The following APBA2 variants were observed in gnomAD, a reference collection of about 807,000 sequenced individuals.
APBA2 encodes amyloid beta precursor protein binding family A member 2.
Under a neutral mutation model 75.0 loss-of-function variants are expected in APBA2, and 30 were observed. The ratio of observed to expected loss-of-function variants is 0.40; its 90% confidence interval spans 0.30 to 0.54. The LOEUF (loss-of-function observed/expected upper bound fraction) is 0.54. Ranked by LOEUF, APBA2 falls within the 20% of genes least tolerant of loss-of-function variation. The pLI, the probability that APBA2 is intolerant of heterozygous loss-of-function variation, is 0.49. For synonymous variants in APBA2, 444 were observed against 409.6 expected (o/e 1.08, Z -1.01); for missense variants, 801 against 1,016.1 (o/e 0.79, Z 2.88).
chr15:28,989,656 A>C (rs1450449609), intron 2 of APBA2, among the ~76,000 whole-genome samples: 2 of 152,214 alleles, frequency 1.3e-5, no homozygotes, highest in African/African-American at 4.8e-5. Flanking sequence ...ATTGGAAGGC[A>C]TCAGGCTCCT....
intron 4 of APBA2, among the ~76,000 whole-genome samples, chr15:29,072,540 G>C (rs1204310692): frequency 6.6e-6 from 1 of 152,110 alleles, no homozygotes; most frequent in Non-Finnish European, 1.5e-5. Context: ...AACCTTGCAG[G>C]AGCGGTACCT....
chr15:28,922,941 A>G (rs144553446), intron 2 of APBA2, among the ~76,000 whole-genome samples: 1 of 152,180 alleles, frequency 6.6e-6, no homozygotes, highest in Non-Finnish European at 1.5e-5. Flanking sequence ...GTTGTTGCCC[A>G]TGTGGTAGAA....
chr15:29,010,114 T>C (rs1157403418), intron 3 of APBA2, among the ~76,000 whole-genome samples: 2 of 152,342 alleles, frequency 1.3e-5, no homozygotes, highest in African/African-American at 4.8e-5. Flanking sequence ...GGTGGGATCC[T>C]CTGGTATGAT....
At chr15:29,094,223 G>C (rs189753320) in intron 7 of APBA2, 55 bp from the exon 8 acceptor site, 1 of 1,594,394 alleles carries the variant, frequency 6.3e-7, no homozygotes, top group East Asian at 2.2e-5. Flanking sequence ...ATAACCTCAC[G>C]CACCTTCCTT....
Position 28,984,761 on chromosome 15 carries a change from C to G in APBA2, c.-94-10992C>G, listed in dbSNP as rs572059158. Among the ~76,000 whole-genome samples, 270 of 151,162 alleles carry G rather than the reference C, an allele frequency of 1.8e-3. 1 individual carries two copies. The highest frequency in any genetic ancestry group is 6.5e-3 in the African/African-American group (267 of 41,088). ...CTCTGTCTCTCTATCTCTCTCCCCC[C>G]CCACCCCACTGCCATCTCTGGAGTT... is the stretch of plus-strand genomic sequence containing the variant. On this transcript the variant is annotated intron_variant, in intron 2 of 14. Coordinates refer to ENST00000683413, the MANE Select transcript of APBA2 (RefSeq NM_001353788.2).
At chr15:29,016,923 T>C (rs2039689908) in intron 3 of APBA2, among the ~76,000 whole-genome samples, 3 of 152,212 alleles carry the variant, frequency 2.0e-5, no homozygotes, top group Admixed American at 2.0e-4. Context: ...TTTCATCAAA[T>C]GATGCTTATT....
At chr15:28,886,753 C>T (rs539682256) in intron 1 of APBA2, among the ~76,000 whole-genome samples, 3 of 152,336 alleles carry the variant, frequency 2.0e-5, no homozygotes, top group East Asian at 1.9e-4. Flanking sequence ...TCTTCGCCCC[C>T]TTCCCTTTCC....
chr15:28,905,612 A>T (rs1259084705), intron 1 of APBA2, among the ~76,000 whole-genome samples: 1 of 152,092 alleles, frequency 6.6e-6, no homozygotes, highest in African/African-American at 2.4e-5. Flanking sequence ...GCTGGACTTG[A>T]ACTCTTGGGC....
chr15:29,077,924 C>T (rs767404836), intron 6 of APBA2, among the ~76,000 whole-genome samples: 1 of 152,150 alleles, frequency 6.6e-6, no homozygotes, highest in Non-Finnish European at 1.5e-5. Context: ...AATTAAACAC[C>T]GTTATCAGTT....
At position 29,050,772 on chromosome 15, in the gene APBA2, G is replaced by A. The variant is rs145670973; in HGVS notation, c.-40-3073G>A. Among the ~76,000 whole-genome samples, 32 of 152,334 alleles carry A rather than the reference G, an allele frequency of 2.1e-4. 1 individual carries two copies. The East Asian group carries it at 6.0e-3, about 28-fold the overall frequency. On this transcript the variant is annotated intron_variant, in intron 3 of 14. Coordinates refer to ENST00000683413, the MANE Select transcript of APBA2 (RefSeq NM_001353788.2). ...TATTACAGATTTTATCCCCCCGAAT[G>A]ACAGAGATTTTGAAGTTAAGATAGC...
At chr15:29,005,113 A>G (rs1469848763) in intron 3 of APBA2, among the ~76,000 whole-genome samples, 2 of 152,198 alleles carry the variant, frequency 1.3e-5, no homozygotes, top group East Asian at 3.9e-4. Flanking sequence ...AAAGGCGTAG[A>G]TAGGGGCCGA....
intron 6 of APBA2, among the ~76,000 whole-genome samples, chr15:29,087,212 C>T (rs1455840354): frequency 6.6e-6 from 1 of 152,166 alleles, no homozygotes; most frequent in Non-Finnish European, 1.5e-5. Flanking sequence ...AATAGTGCTG[C>T]TGCAGTGAAC....
rs114453163 is a variant in APBA2, at chr15:29,112,796, C to T, written c.2038-1080C>T. Among the ~76,000 whole-genome samples the T allele has an allele frequency of 4.3e-3, 650 of 152,268 alleles. 5 individuals are homozygous for T. The highest frequency in any genetic ancestry group is 0.015 in the African/African-American group (628 of 41,542). ...GCATGTCAGGCAGCCATGGCCACTG[C>T]GCTCTCCTGCACGTCTTCCTCCTCC... On this transcript the variant is annotated intron_variant, in intron 13 of 14. Transcript: ENST00000683413.
chr15:28,931,518 C>G (rs1014833895), intron 2 of APBA2, among the ~76,000 whole-genome samples: 1 of 152,166 alleles, frequency 6.6e-6, no homozygotes, highest in Non-Finnish European at 1.5e-5. Flanking sequence ...CTGTTGCCAC[C>G]GTGGGCCCAA....
intron 1 of APBA2, among the ~76,000 whole-genome samples, chr15:28,912,280 A>T (rs2033465369): frequency 6.6e-6 from 1 of 152,098 alleles, no homozygotes; most frequent in Non-Finnish European, 1.5e-5. Context: ...GCCAGAGGAG[A>T]GACTTTGTGT....
Position 28,987,725 on chromosome 15 carries a change from GAGAGAT to G in APBA2, c.-94-8026_-94-8021del, listed in dbSNP as rs1302586708. 1.6e-4 allele frequency among the ~76,000 whole-genome samples: 19 copies of G among 118,562 alleles called. 1 individual carries two copies. The highest frequency in any genetic ancestry group is 1.4e-3 in the East Asian group (4 of 2,946). 77.8% of individuals were successfully genotyped at this position (118,562 alleles called of 152,430 possible). A position where few individuals can be genotyped will look rare whatever the true frequency, so the allele number is the denominator to read the frequency against. Reference sequence around the variant, plus strand: ...AAGGGAGTGTCAAAGAATATGTGGAGAGAGATATATATATATATATATATATATTCT... The same window carrying G: ...AAGGGAGTGTCAAAGAATATGTGGAGATATATATATATATATATATATTCT... On this transcript the variant is annotated intron_variant, in intron 2 of 14. Transcript: ENST00000683413.
At chr15:28,949,785 A>G (rs1229498655) in intron 2 of APBA2, among the ~76,000 whole-genome samples, 2 of 152,186 alleles carry the variant, frequency 1.3e-5, no homozygotes, top group African/African-American at 4.8e-5. Flanking sequence ...TGTTGTTAGT[A>G]AACTTTTAAT....
intron 1 of APBA2, among the ~76,000 whole-genome samples, chr15:28,889,634 T>G (rs2031997408): frequency 6.6e-6 from 1 of 152,182 alleles, no homozygotes; most frequent in Non-Finnish European, 1.5e-5. Context: ...TTGGCGCATG[T>G]CCATCCTGGA....
At chr15:28,979,051 T>C (rs2037485631) in intron 2 of APBA2, among the ~76,000 whole-genome samples, 1 of 152,212 alleles carries the variant, frequency 6.6e-6, no homozygotes, top group African/African-American at 2.4e-5. Flanking sequence ...TGTGACCTGC[T>C]TATCTTCCCA....
Sources: allele counts gnomAD v4.1 joint callset (sites outside exome capture counted in the v4.1 genomes callset), GRCh38; gene constraint gnomAD v4.1.1; transcripts MANE v1.5; gene names NCBI Gene and HGNC (gene_info 2026-07-23, HGNC 2026-07-21).